The following COL10A1 variants were observed in gnomAD, a reference collection of about 807,000 sequenced individuals.
COL10A1 encodes collagen alpha-1(X) chain.
COL10A1 carries 10 observed loss-of-function variants against 18.2 expected under a neutral mutation model. That is an observed-to-expected ratio of 0.55 (90% CI 0.34 to 0.93). The LOEUF (loss-of-function observed/expected upper bound fraction) is 0.93. COL10A1 is among the 40% of genes least tolerant of loss of function. The probability of loss-of-function intolerance (pLI) is 0.02; values close to 1 mark genes in which losing one functional copy is unlikely to be tolerated. For synonymous variants in COL10A1, 330 were observed against 316.6 expected (o/e 1.04, Z -0.45); for missense variants, 897 against 853.5 (o/e 1.05, Z -0.64).
intron 1 of COL10A1, among the ~76,000 whole-genome samples, chr6:116,150,201 A>C (rs1470531813): frequency 5.3e-5 from 8 of 152,210 alleles, no homozygotes; most frequent in Non-Finnish European, 1.0e-4. Context: ...AAACATTACT[A>C]TGGCTTTCAC....
chr6:116,212,107 A>C, the COL10A1 span, among the ~76,000 whole-genome samples: 2 of 152,104 alleles, frequency 1.3e-5, no homozygotes, highest in Non-Finnish European at 2.9e-5. Flanking sequence ...TATTTTATCA[A>C]TTCTTTTTCA....
chr6:116,187,696 G>A, the COL10A1 span, among the ~76,000 whole-genome samples: 1 of 151,914 alleles, frequency 6.6e-6, no homozygotes, highest in African/African-American at 2.4e-5. Context: ...TCACATATTA[G>A]ACAAAAATCA....
chr6:116,141,940 A>T lies in COL10A1; in HGVS notation c.-15-16433T>A, dbSNP rs184120468. Among the ~76,000 whole-genome samples, 9 of 151,120 alleles carry T rather than the reference A, an allele frequency of 6.0e-5. No individual in the cohort carries two copies. The East Asian group carries it at 1.7e-3, about 29-fold the overall frequency. Reference sequence around the variant, plus strand: ...CACACACACACACTGTAAATGTGAGATGTTCCTAGTCTAGAAAATATATAG... The same window carrying T: ...CACACACACACACTGTAAATGTGAGTTGTTCCTAGTCTAGAAAATATATAG... On this transcript the variant is annotated intron_variant, in intron 1 of 1. Coordinates refer to the COL10A1 transcript ENST00000418500.
At chr6:116,197,718 G>T in the COL10A1 span, among the ~76,000 whole-genome samples, 22 of 152,022 alleles carry the variant, frequency 1.4e-4, no homozygotes, top group Non-Finnish European at 2.9e-4. Context: ...CTTGATAATG[G>T]TATTTATCTC....
chr6:116,135,872 T>TACACACAC (rs71554839), intron 1 of COL10A1, among the ~76,000 whole-genome samples: 216 of 121,286 alleles, frequency 1.8e-3, no homozygotes, highest in African/African-American at 7.4e-3. Context: ...TATATATATA[T>TACACACAC]ACACACATAC....
chr6:116,157,556 G>C (rs1780227169), intron 1 of COL10A1, among the ~76,000 whole-genome samples: 1 of 152,086 alleles, frequency 6.6e-6, no homozygotes. Flanking sequence ...AGTCCAATGG[G>C]GGATCAAGTG....
intron 1 of COL10A1, among the ~76,000 whole-genome samples, chr6:116,154,688 A>G (rs1280657617): frequency 6.6e-6 from 1 of 152,162 alleles, no homozygotes; most frequent in Non-Finnish European, 1.5e-5. Flanking sequence ...TCCCTGAGAA[A>G]TATTTGGATG....
intron 1 of COL10A1, among the ~76,000 whole-genome samples, chr6:116,131,625 C>T (rs1779467696): frequency 6.6e-6 from 1 of 152,044 alleles, no homozygotes; most frequent in Non-Finnish European, 1.5e-5. Context: ...CAACCATTGC[C>T]CTATAGGTGG....
At chr6:116,123,222 A>G (rs548114504) in intron 2 of COL10A1, among the ~76,000 whole-genome samples, 24 of 152,320 alleles carry the variant, frequency 1.6e-4, no homozygotes, top group African/African-American at 5.8e-4. Flanking sequence ...GTCAATGGAA[A>G]TGAGTGCATT....
intron 1 of COL10A1, among the ~76,000 whole-genome samples, chr6:116,131,185 A>T (rs902751926): frequency 1.3e-5 from 2 of 152,068 alleles, no homozygotes; most frequent in African/African-American, 4.8e-5. Flanking sequence ...TTTCCAGAAA[A>T]CCCGATCACA....
the COL10A1 span, among the ~76,000 whole-genome samples, chr6:116,211,525 T>C: frequency 1.6e-4 from 24 of 152,200 alleles, no homozygotes; most frequent in Middle Eastern, 6.8e-3. Flanking sequence ...TGTTTTTATA[T>C]TGTATATTTG....
chr6:116,144,195 T>C (rs561664916), intron 1 of COL10A1, among the ~76,000 whole-genome samples: 1 of 152,206 alleles, frequency 6.6e-6, no homozygotes, highest in South Asian at 2.1e-4. Flanking sequence ...AAACATATTC[T>C]TCTTACAACA....
intron 1 of COL10A1, among the ~76,000 whole-genome samples, chr6:116,154,029 CTTTTT>C (rs34356532): frequency 1.6e-5 from 2 of 122,324 alleles, no homozygotes; most frequent in African/African-American, 3.1e-5. Flanking sequence ...GGGAAGATTT[CTTTTT>C]TTTTTTTTTT....
the COL10A1 span, among the ~76,000 whole-genome samples, chr6:116,186,748 G>A: frequency 6.6e-6 from 1 of 151,840 alleles, no homozygotes; most frequent in Non-Finnish European, 1.5e-5. Context: ...TTTTATTTAT[G>A]CCATGTATTT....
At chr6:116,146,043 C>T (rs1391568779) in intron 1 of COL10A1, among the ~76,000 whole-genome samples, 1 of 152,166 alleles carries the variant, frequency 6.6e-6, no homozygotes, top group Non-Finnish European at 1.5e-5. Flanking sequence ...CCTCGTTTTC[C>T]TATCACAGTT....
At chr6:116,201,086 C>T in the COL10A1 span, among the ~76,000 whole-genome samples, 24 of 152,038 alleles carry the variant, frequency 1.6e-4, no homozygotes, top group Non-Finnish European at 2.8e-4. Flanking sequence ...GAGTGAAGTA[C>T]CAACTTGCCC....
At chr6:116,185,005 T>C in the COL10A1 span, among the ~76,000 whole-genome samples, 1 of 151,694 alleles carries the variant, frequency 6.6e-6, no homozygotes, top group Non-Finnish European at 1.5e-5. Context: ...TTTGATGCTG[T>C]GAACTTCCCT....
At chr6:116,187,485 G>C in the COL10A1 span, among the ~76,000 whole-genome samples, 1 of 152,098 alleles carries the variant, frequency 6.6e-6, no homozygotes, top group Admixed American at 6.6e-5. Flanking sequence ...TAAAGTTACA[G>C]TAATTTGGTC....
chr6:116,202,400 A>G, the COL10A1 span, among the ~76,000 whole-genome samples: 1 of 151,966 alleles, frequency 6.6e-6, no homozygotes, highest in African/African-American at 2.4e-5. Context: ...AATAAAATTC[A>G]CTGAGTTTTG....
Sources: allele counts gnomAD v4.1 joint callset (sites outside exome capture counted in the v4.1 genomes callset), GRCh38; gene constraint gnomAD v4.1.1; transcripts MANE v1.5; gene names NCBI Gene and HGNC (gene_info 2026-07-23, HGNC 2026-07-21).